The following XRCC5 variants were observed in gnomAD, a reference collection of about 807,000 sequenced individuals.
The protein encoded by XRCC5 is X-ray repair cross complementing 5.
A neutral mutation model predicts 95.7 loss-of-function variants in XRCC5; 12 were observed. The ratio of observed to expected loss-of-function variants is 0.13; its 90% CI spans 0.08 to 0.20. XRCC5 has a LOEUF of 0.20. Ranked by LOEUF, XRCC5 falls within the 10% of genes least tolerant of loss-of-function variation. The pLI is 1.00. For missense variants in XRCC5, 595 were observed against 873.9 expected (o/e 0.68, Z 4.02); for synonymous variants, 281 against 290.3 (o/e 0.97, Z 0.33).
intron 16 of XRCC5, among the ~76,000 whole-genome samples, chr2:216,179,914 C>T (rs1056472230): frequency 4.6e-5 from 7 of 152,156 alleles, no homozygotes; most frequent in African/African-American, 1.2e-4. Flanking sequence ...CGTTAATCCA[C>T]GTGACCGGAG....
rs1689906690 is a variant in XRCC5 at position 216,204,597 on chromosome 2, C to T, written c.2184+201C>T. ...TTTCATAATAGAAATTCCTGTGTTT[C>T]ATGGTGTCGGCTATATTGTTCATTC... On this transcript the variant is annotated intron_variant, in intron 20 of 20. Coordinates refer to ENST00000392132, the MANE Select transcript of XRCC5 (RefSeq NM_021141.4). Among the ~76,000 whole-genome samples, 5 of 152,116 alleles carry T rather than the reference C, an allele frequency of 3.3e-5. No individual in the cohort carries two copies. The South Asian group carries it at 1.0e-3, about 32-fold the overall frequency.
chr2:216,146,903 T>TA (rs1182927551), intron 13 of XRCC5, among the ~76,000 whole-genome samples: 1 of 152,314 alleles, frequency 6.6e-6, no homozygotes, highest in East Asian at 1.9e-4. Flanking sequence ...AGGTGCTTAT[T>TA]ATGTGCCAGG....
chr2:216,182,919 A>G (rs1031858610), intron 16 of XRCC5, among the ~76,000 whole-genome samples: 1 of 152,268 alleles, frequency 6.6e-6, no homozygotes, highest in African/African-American at 2.4e-5. Context: ...AGAATGCCAC[A>G]GAACCATTCC....
chr2:216,157,454 C>T (rs1036784625), intron 14 of XRCC5, among the ~76,000 whole-genome samples: 4 of 151,990 alleles, frequency 2.6e-5, no homozygotes, highest in African/African-American at 4.8e-5. Context: ...AGGATGATCT[C>T]GATCTCCTGA....
intron 14 of XRCC5, among the ~76,000 whole-genome samples, chr2:216,155,774 A>G (rs1688829799): frequency 6.6e-6 from 1 of 152,250 alleles, no homozygotes; most frequent in South Asian, 2.1e-4. Flanking sequence ...GTGTAACTTA[A>G]TAAAAATATA....
At chr2:216,199,808 A>ATTTTTTTTTTTTTTT (rs879564899) in intron 19 of XRCC5, among the ~76,000 whole-genome samples, 2 of 121,890 alleles carry the variant, frequency 1.6e-5, no homozygotes, top group Non-Finnish European at 3.3e-5. Flanking sequence ...TGGCATTGGG[A>ATTTTTTTTTTTTTTT]TCTTTTTTTT....
Position 216,122,268 on chromosome 2 carries a change from C to A in XRCC5, c.683+15C>A, listed in dbSNP as rs1251820825. The A allele has an allele frequency of 1.3e-6, 2 of 1,583,944 alleles. No individual in the cohort carries two copies. The highest frequency in any genetic ancestry group is 1.7e-6 in the Non-Finnish European group (2 of 1,165,384). ...TATTCATTCAGGTAAGAATTGAAAA[C>A]ATTGATGGGAATTTTTAATTGTACC... On this transcript the variant is annotated intron_variant, in intron 6 of 20. Coordinates refer to ENST00000392132, the MANE Select transcript of XRCC5 (RefSeq NM_021141.4).
Position 216,125,964 on chromosome 2 carries a change from C to G in XRCC5, c.731C>G (p.Ser244Cys), listed in dbSNP as rs1298132054. The G allele has an allele frequency of 6.2e-7, 1 of 1,613,966 alleles. No individual in the cohort carries two copies. Residue 244 changes from serine (S) to cysteine (C), a missense_variant, in exon 7 of 21, where the codon TCC becomes TGC. Coordinates refer to ENST00000392132, the MANE Select transcript of XRCC5 (RefSeq NM_021141.4). Reference sequence around the variant, plus strand: ...GTCTTCAAGAAAATTGAGAGGCATTCCATTCACTGGCCCTGCCGACTGACC... The same window carrying G: ...GTCTTCAAGAAAATTGAGAGGCATTGCATTCACTGGCCCTGCCGACTGACC... Reference protein sequence around the residue: ...LCVFKKIERHSIHWPCRLTIG... With the variant: ...LCVFKKIERHCIHWPCRLTIG...
rs1689925095 is a variant in XRCC5 at position 216,205,374 on chromosome 2, A to G, written c.*172A>G. The G allele has an allele frequency of 1.4e-6, 1 of 693,668 alleles. No homozygotes were observed. Among genetic ancestry groups the G allele is most frequent in the Admixed American group, 2.4e-5 (1 of 41,030 alleles). The allele number at this position is 693,668 out of a possible 1,614,324, so 43.0% of individuals were successfully genotyped here. ...CTGTGGAATGAATACACACATATAT[A>G]TTACAAGGGATAATTTAGACCCCAT... is the stretch of plus-strand genomic sequence containing the variant. On this transcript the variant is annotated 3_prime_UTR_variant, in exon 21 of 21. Transcript: ENST00000392132.
At chr2:216,163,311 T>C (rs1688988414) in intron 16 of XRCC5, among the ~76,000 whole-genome samples, 1 of 151,790 alleles carries the variant, frequency 6.6e-6, no homozygotes, top group Non-Finnish European at 1.5e-5. Context: ...AAAATTACTT[T>C]TTTTCTTTTT....
At chr2:216,156,132 C>T (rs764635075) in intron 14 of XRCC5, among the ~76,000 whole-genome samples, 7 of 152,168 alleles carry the variant, frequency 4.6e-5, no homozygotes, top group Non-Finnish European at 1.0e-4. Context: ...GAAAAATATA[C>T]TTTCATACAG....
chr2:216,110,614 A>G (rs893402021), intron 1 of XRCC5: 4 of 152,232 alleles, frequency 2.6e-5, no homozygotes, highest in African/African-American at 4.8e-5. Flanking sequence ...TACTGCTGCC[A>G]GATAGGAACT....
At chr2:216,176,026 C>T (rs1240689768) in intron 16 of XRCC5, 1 of 194,846 alleles carries the variant, frequency 5.1e-6, no homozygotes, top group East Asian at 1.7e-4. Context: ...AGTGGTTTTA[C>T]CTCCATTTTA....
At chr2:216,109,607 A>G in intron 1 of XRCC5, 150 bp downstream of exon 1, 1 of 1,220,880 alleles carries the variant, frequency 8.2e-7, no homozygotes. Context: ...GCCGGGACCG[A>G]GGGATGCGCT....
chr2:216,127,567 C>G lies in XRCC5; in HGVS notation c.830C>G (p.Thr277Arg). 6.2e-7 allele frequency: 1 copy of G among 1,609,318 alleles called. No homozygotes were observed. The highest frequency in any genetic ancestry group is 8.5e-7 in the Non-Finnish European group (1 of 1,178,766). Reference protein sequence around the residue: ...ILQERVKKTWTVVDAKTLKKE... With the variant: ...ILQERVKKTWRVVDAKTLKKE... ...CAGGAGAGAGTTAAAAAGACTTGGA[C>G]AGTTGTGGATGCAAAAACCCTAAAA... is the stretch of plus-strand genomic sequence containing the variant. Residue 277 changes from threonine (T) to arginine (R), a missense_variant, in exon 8 of 21, where the codon ACA (threonine) becomes AGA (arginine). By Grantham distance (71) the Thr-to-Arg change is moderately conservative (BLOSUM62 -1). Transcript: ENST00000392132.
intron 19 of XRCC5, among the ~76,000 whole-genome samples, chr2:216,198,199 A>G (rs759717794): frequency 2.0e-5 from 3 of 152,238 alleles, no homozygotes; most frequent in Non-Finnish European, 4.4e-5. Flanking sequence ...TTCGTTTTCA[A>G]GTGGATTAAG....
intron 13 of XRCC5, among the ~76,000 whole-genome samples, chr2:216,144,407 G>A: frequency 6.6e-6 from 1 of 152,204 alleles, no homozygotes; most frequent in Non-Finnish European, 1.5e-5. Context: ...ACAGCAGTGG[G>A]TAATTAAAGA....
At chr2:216,153,755 A>G (rs1688792673) in intron 14 of XRCC5, among the ~76,000 whole-genome samples, 1 of 152,168 alleles carries the variant, frequency 6.6e-6, no homozygotes, top group Admixed American at 6.5e-5. Flanking sequence ...TGTACTTCAA[A>G]CTGTAATGCC....
At chr2:216,115,396 A>C (rs149932044) in intron 2 of XRCC5, among the ~76,000 whole-genome samples, 5 of 152,130 alleles carry the variant, frequency 3.3e-5, no homozygotes, top group African/African-American at 1.2e-4. Context: ...CCCATGACTG[A>C]GATTTTGTCT....
Sources: gnomAD v4.1 joint callset for allele counts (sites outside exome capture counted in the v4.1 genomes callset) on GRCh38, gnomAD v4.1.1 for gene constraint, MANE v1.5 for transcripts, NCBI Gene and HGNC (gene_info 2026-07-23, HGNC 2026-07-21) for gene names.